Variants in DIP2C observed in about 807,000 individuals in gnomAD.
DIP2C encodes disco-interacting protein 2 homolog C.
Under a neutral mutation model 192.4 loss-of-function variants are expected in DIP2C, and 33 were observed. The ratio of observed to expected loss-of-function variants is 0.17; its 90% CI spans 0.13 to 0.23. The LOEUF (loss-of-function observed/expected upper bound fraction) is 0.23. DIP2C is among the 10% of genes least tolerant of loss of function. The probability of loss-of-function intolerance (pLI) is 1.00; values close to 1 mark genes in which losing one functional copy is unlikely to be tolerated. For missense variants in DIP2C, 1,537 were observed against 2,110.1 expected (o/e 0.73, Z 5.32); for synonymous variants, 979 against 864.1 (o/e 1.13, Z -2.33).
chr10:502,163 T>C (rs530298165), intron 1 of DIP2C, among the ~76,000 whole-genome samples: 1 of 152,116 alleles, frequency 6.6e-6, no homozygotes, highest in African/African-American at 2.4e-5. Context: ...AATTCCCACA[T>C]CATAGTTTTT....
chr10:618,349 GA>G (rs886591789), intron 1 of DIP2C, among the ~76,000 whole-genome samples: 1 of 152,218 alleles, frequency 6.6e-6, no homozygotes, highest in African/African-American at 2.4e-5. Context: ...CATATCTGCT[GA>G]AACACAACCA....
At chr10:470,191 C>T (rs567318779) in intron 3 of DIP2C, among the ~76,000 whole-genome samples, 12 of 152,146 alleles carry the variant, frequency 7.9e-5, no homozygotes, top group Admixed American at 4.6e-4. Context: ...CACAGACATG[C>T]AGATAGACAG....
At chr10:465,725 G>A (rs1384614222) in intron 3 of DIP2C, among the ~76,000 whole-genome samples, 2 of 151,682 alleles carry the variant, frequency 1.3e-5, no homozygotes, top group African/African-American at 2.4e-5. Context: ...AAAATCACAA[G>A]CATTCTTATA....
intron 1 of DIP2C, among the ~76,000 whole-genome samples, chr10:579,801 A>G (rs1252029853): frequency 2.6e-5 from 4 of 152,002 alleles, no homozygotes; most frequent in African/African-American, 7.3e-5. Context: ...GCATATGTAC[A>G]TAGGTACACT....
intron 6 of DIP2C, among the ~76,000 whole-genome samples, chr10:416,609 C>A (rs1418787464): frequency 6.6e-6 from 1 of 152,166 alleles, no homozygotes; most frequent in Non-Finnish European, 1.5e-5. Context: ...AGAAAAGCCC[C>A]ATTTTAAAAT....
At chr10:453,386 G>A (rs964305275) in intron 3 of DIP2C, among the ~76,000 whole-genome samples, 1 of 152,332 alleles carries the variant, frequency 6.6e-6, no homozygotes, top group African/African-American at 2.4e-5. Context: ...AACATCACGA[G>A]AGTAACAAGA....
intron 24 of DIP2C, among the ~76,000 whole-genome samples, chr10:352,947 C>T (rs573820873): frequency 2.4e-4 from 36 of 152,204 alleles, no homozygotes; most frequent in South Asian, 1.2e-3. Flanking sequence ...CCATGAACTC[C>T]GTGTTAAGAA....
At chr10:639,658 A>G (rs753438152) in intron 1 of DIP2C, among the ~76,000 whole-genome samples, 1 of 152,260 alleles carries the variant, frequency 6.6e-6, no homozygotes, top group Non-Finnish European at 1.5e-5. Context: ...TACTTTGCTA[A>G]TGACAACGAA....
Position 384,571 on chromosome 10 carries a change from C to G in DIP2C, c.1731G>C (p.Trp577Cys). The change falls in exon 15 of 37, where the codon TGG becomes TGC. Residue 577 changes from tryptophan to cysteine, a missense_variant. By Grantham distance (215) the Trp-to-Cys change is radical. This residue lies in a region of DIP2C where 677 missense variants were observed against 989.9 expected (regional missense o/e 0.68). Transcript: ENST00000280886. ...CTTTGTACTGGCAGACCTTCTGGAT[C>G]CAGGAGAGAGGGTTCACCTTCATCA... ...YSLMKVNPLS[W>C]IQKVCQYKAK... The G allele has an allele frequency of 6.2e-7, 1 of 1,613,886 alleles. No homozygotes were observed. The highest frequency in any genetic ancestry group is 8.5e-7 in the Non-Finnish European group (1 of 1,180,002).
chr10:488,728 G>A (rs1018780878), intron 1 of DIP2C, among the ~76,000 whole-genome samples: 3 of 152,164 alleles, frequency 2.0e-5, no homozygotes, highest in Admixed American at 6.5e-5. Context: ...GGGTACCCAC[G>A]GCATAAATCA....
intron 2 of DIP2C, among the ~76,000 whole-genome samples, chr10:479,374 G>T (rs576578505): frequency 3.9e-4 from 43 of 111,122 alleles, no homozygotes; most frequent in African/African-American, 1.5e-3. Context: ...TTGTTCTGTT[G>T]CCAGGCTGGA....
At chr10:571,906 A>C (rs1018706886) in intron 1 of DIP2C, among the ~76,000 whole-genome samples, 5 of 152,254 alleles carry the variant, frequency 3.3e-5, no homozygotes, top group Admixed American at 1.3e-4. Context: ...TTCAGCTTCC[A>C]AAAACTGTCC....
chr10:345,122 G>A lies in DIP2C; in HGVS notation c.3232-12C>T. The A allele has an allele frequency of 6.2e-7, 1 of 1,606,710 alleles. No individual in the cohort carries two copies. Among genetic ancestry groups the A allele is most frequent in the Non-Finnish European group, 8.5e-7 (1 of 1,177,976 alleles). On this transcript the variant is annotated splice_polypyrimidine_tract_variant and intron_variant, in intron 26 of 36. Transcript: ENST00000280886. ...GCAGAGCGACTCACCTGGCATCAGAGAGCGAGAATGGAGCCATGAACGTGG... is the reference window on the plus strand; with the variant it reads ...GCAGAGCGACTCACCTGGCATCAGAAAGCGAGAATGGAGCCATGAACGTGG...
intron 36 of DIP2C, 85 bp downstream of exon 36, chr10:281,115 T>C (rs2132132436): frequency 1.3e-6 from 2 of 1,562,374 alleles, no homozygotes; most frequent in Non-Finnish European, 1.7e-6. Flanking sequence ...AACAAAACTC[T>C]CCTCCACCGC....
Position 288,429 on chromosome 10 carries a change from CAGAA to C in DIP2C, c.3987-12_3987-9del. On this transcript the variant is annotated splice_polypyrimidine_tract_variant and intron_variant, in intron 32 of 36. Transcript: ENST00000280886. ...CTTTCCACTAAGCGGACTCTGCAAA[CAGAA>C]AGAGAAAATATTCCTAGATGTGTTT... The C allele has an allele frequency of 1.2e-6, 2 of 1,613,832 alleles. No individual in the cohort carries two copies. The highest frequency in any genetic ancestry group is 1.7e-6 in the Non-Finnish European group (2 of 1,179,848).
At chr10:336,862 GGT>G (rs1384363218) in intron 29 of DIP2C, among the ~76,000 whole-genome samples, 1 of 147,634 alleles carries the variant, frequency 6.8e-6, no homozygotes. Context: ...GGCCTAGACT[GGT>G]GTGTGTGCGC....
chr10:654,737 T>A (rs566916110), intron 1 of DIP2C, among the ~76,000 whole-genome samples: 1 of 152,320 alleles, frequency 6.6e-6, no homozygotes, highest in African/African-American at 2.4e-5. Flanking sequence ...GAAGGGCCAG[T>A]AACGCCCCAC....
intron 5 of DIP2C, 117 bp from the exon 6 acceptor site, chr10:419,316 G>C (rs1048138596): frequency 1.8e-5 from 27 of 1,460,428 alleles, no homozygotes; most frequent in Non-Finnish European, 2.4e-5. Flanking sequence ...GTGTGCCATG[G>C]AAAGCCAGAG....
intron 34 of DIP2C, among the ~76,000 whole-genome samples, chr10:285,521 C>T (rs914496831): frequency 1.3e-5 from 2 of 152,218 alleles, no homozygotes; most frequent in African/African-American, 4.8e-5. Context: ...AGGAGGCTGG[C>T]TCCAGACATG....
Sources: gnomAD v4.1 joint callset for allele counts (sites outside exome capture counted in the v4.1 genomes callset) on GRCh38, gnomAD v4.1.1 for gene constraint, gnomAD v4.1.1 regional missense constraint, MANE v1.5 for transcripts, NCBI Gene and HGNC (gene_info 2026-07-23, HGNC 2026-07-21) for gene names.